The following ZYG11A variants were observed in gnomAD, a reference collection of about 807,000 sequenced individuals.
ZYG11A encodes the protein zyg-11 family member A, cell cycle regulator.
Under a neutral mutation model 77.2 loss-of-function variants are expected in ZYG11A, and 62 were observed. The observed-to-expected ratio is 0.80, with a 90% CI of 0.65 to 0.99. The LOEUF is 0.99. Ranked by LOEUF, ZYG11A falls within the 50% of genes least tolerant of loss-of-function variation. ZYG11A has a pLI of 0.00. For missense variants in ZYG11A, 828 were observed against 896.8 expected (o/e 0.92, Z 0.98); for synonymous variants, 315 against 324.6 (o/e 0.97, Z 0.32).
intron 10 of ZYG11A, among the ~76,000 whole-genome samples, chr1:52,880,066 CTTT>C (rs10682296): frequency 8.2e-5 from 9 of 110,132 alleles, no homozygotes; most frequent in African/African-American, 1.1e-4. Flanking sequence ...ACCCAGCCCA[CTTT>C]TTTTTTTTTT....
intron 4 of ZYG11A, 47 bp from the exon 5 acceptor site, chr1:52,863,934 G>T: frequency 6.7e-7 from 1 of 1,494,516 alleles, no homozygotes; most frequent in South Asian, 1.3e-5. Context: ...AGACAGCATA[G>T]AGAATGTTAC....
intron 2 of ZYG11A, 113 bp from the exon 3 acceptor site, chr1:52,856,885 A>G: frequency 8.8e-7 from 1 of 1,137,870 alleles, no homozygotes; most frequent in Non-Finnish European, 1.2e-6. Flanking sequence ...ACAGAGCAGT[A>G]AATGTTGTCA....
intron 8 of ZYG11A, among the ~76,000 whole-genome samples, chr1:52,871,201 G>A (rs1295022896): frequency 6.6e-6 from 1 of 152,126 alleles, no homozygotes; most frequent in African/African-American, 2.4e-5. Context: ...GTGGCAAGTG[G>A]CATGATCATG....
intron 11 of ZYG11A, among the ~76,000 whole-genome samples, 182 bp from the exon 12 acceptor site, chr1:52,885,651 C>T (rs1285353460): frequency 4.0e-5 from 6 of 149,142 alleles, no homozygotes; most frequent in Non-Finnish European, 8.9e-5. Flanking sequence ...TAAACAGATG[C>T]CCCTTGTTCT....
rs61024787 is a variant in ZYG11A at position 52,884,904 on chromosome 1, CT to C, written c.1945-917del. Among the ~76,000 whole-genome samples the C allele has an allele frequency of 9.1e-3, 1,329 of 145,768 alleles. 12 individuals are homozygous for C. The highest frequency in any genetic ancestry group is 0.029 in the African/African-American group (1,168 of 40,046). ...CAGTCTTCCTATTTTCTTTTTCTTT[CT>C]TTTTTTTTTTTCTCCCAAGATGGAG... On this transcript the variant is annotated intron_variant, in intron 11 of 13. Coordinates refer to ENST00000371528, the MANE Select transcript of ZYG11A (RefSeq NM_001004339.3).
intron 1 of ZYG11A, 141 bp downstream of exon 1, chr1:52,843,114 C>T (rs1645482912): frequency 1.4e-5 from 9 of 649,112 alleles, no homozygotes; most frequent in Non-Finnish European, 2.0e-5. Flanking sequence ...ATGCCGAGCC[C>T]CTTCCAGGCG....
chr1:52,869,760 T>C (rs888128898), intron 8 of ZYG11A, among the ~76,000 whole-genome samples: 4 of 151,842 alleles, frequency 2.6e-5, no homozygotes, highest in Admixed American at 6.5e-5. Context: ...AGCTGTTGGG[T>C]ACACCTCCCA....
intron 3 of ZYG11A, among the ~76,000 whole-genome samples, chr1:52,859,982 T>C (rs1423250410): frequency 6.6e-6 from 1 of 152,176 alleles, no homozygotes; most frequent in Admixed American, 6.5e-5. Context: ...CCCGGCCTAC[T>C]GTCTTGATTA....
In ZYG11A at chr1:52,892,156, C is replaced by T. The variant is rs555801703; in HGVS notation, c.2105-626C>T. On this transcript the variant is annotated intron_variant, in intron 13 of 13. Coordinates refer to ENST00000371528, the MANE Select transcript of ZYG11A (RefSeq NM_001004339.3). ...CCTCATGATCCGCCCGCCTCGGCCT[C>T]CCAAAGTGCTGGGATTACAGGCGTG... Among the ~76,000 whole-genome samples, 140 of 149,084 alleles carry T rather than the reference C, an allele frequency of 9.4e-4. 1 individual carries two copies. Among genetic ancestry groups the T allele is most frequent in the Middle Eastern group, 3.4e-3 (1 of 290 alleles).
In ZYG11A at chr1:52,867,958, C is replaced by CTT. The variant is rs1050261180; in HGVS notation, c.1542+206_1542+207dup. On this transcript the variant is annotated intron_variant, in intron 8 of 13. Transcript: ENST00000371528. ...TCTTTTGGTATGTACCTCCACATTT[C>CTT]TTTTTTTTTTTTTTTTTTTTTTTTT... 4.5e-3 allele frequency among the ~76,000 whole-genome samples: 439 copies of CTT among 98,128 alleles called. 55 individuals carry two copies. The highest frequency in any genetic ancestry group is 0.01 in the African/African-American group (214 of 20,470). The allele number at this position is 98,128 out of a possible 152,430, so 64.4% of individuals were successfully genotyped here.
At chr1:52,859,552 G>C (rs1358184310) in intron 3 of ZYG11A, among the ~76,000 whole-genome samples, 2 of 151,100 alleles carry the variant, frequency 1.3e-5, no homozygotes, top group Non-Finnish European at 1.5e-5. Flanking sequence ...AGCCAGGATA[G>C]TCTCGATCTC....
At chr1:52,880,553 T>C (rs994714590) in intron 10 of ZYG11A, among the ~76,000 whole-genome samples, 1 of 152,160 alleles carries the variant, frequency 6.6e-6, no homozygotes, top group Non-Finnish European at 1.5e-5. Flanking sequence ...ATCACTCCCA[T>C]GATTATGTTA....
intron 11 of ZYG11A, among the ~76,000 whole-genome samples, 170 bp from the exon 12 acceptor site, chr1:52,885,663 G>C (rs1646437229): frequency 3.1e-5 from 4 of 128,090 alleles, no homozygotes; most frequent in African/African-American, 1.1e-4. Flanking sequence ...CCTTGTTCTT[G>C]TAATTTTTCC....
At chr1:52,846,310 T>TTATATATATATATATA in intron 1 of ZYG11A, among the ~76,000 whole-genome samples, 1 of 35,800 alleles carries the variant, frequency 2.8e-5, no homozygotes, top group South Asian at 6.5e-4. Context: ...TTTTAAATTT[T>TTATATATATATATATA]TATATATATA....
chr1:52,881,783 T>C (rs936381721), intron 11 of ZYG11A, 118 bp downstream of exon 11: 16 of 770,394 alleles, frequency 2.1e-5, no homozygotes, highest in East Asian at 2.8e-5. Flanking sequence ...GAAAAACTTA[T>C]TACTAACCCA....
At chr1:52,860,704 C>A in intron 3 of ZYG11A, 27 bp from the exon 4 acceptor site, 1 of 1,548,698 alleles carries the variant, frequency 6.5e-7, no homozygotes, top group Non-Finnish European at 8.7e-7. Context: ...AATGGTGAAA[C>A]CTGTTTGGTA....
intron 1 of ZYG11A, among the ~76,000 whole-genome samples, chr1:52,847,835 A>AATTAATTT (rs1553267138): frequency 5.0e-5 from 6 of 119,364 alleles, no homozygotes; most frequent in Admixed American, 8.2e-5. Flanking sequence ...ACGCCTTGCT[A>AATTAATTT]ATTTATTTAT....
chr1:52,863,255 C>T (rs748332932), intron 4 of ZYG11A, among the ~76,000 whole-genome samples: 1 of 152,200 alleles, frequency 6.6e-6, no homozygotes, highest in Non-Finnish European at 1.5e-5. Flanking sequence ...GAACAATGCC[C>T]TCATTTTACA....
chr1:52,867,963 T>C (rs12118802), intron 8 of ZYG11A, among the ~76,000 whole-genome samples, 186 bp downstream of exon 8: 47,683 of 125,960 alleles, frequency 0.38, 12,016 homozygotes, highest in Non-Finnish European at 0.56. Context: ...CATTTCTTTT[T>C]TTTTTTTTTT....
Sources: gnomAD v4.1 joint callset for allele counts (sites outside exome capture counted in the v4.1 genomes callset) on GRCh38, gnomAD v4.1.1 for gene constraint, MANE v1.5 for transcripts, NCBI Gene and HGNC (gene_info 2026-07-23, HGNC 2026-07-21) for gene names.